The following EDDM13 variants were observed in gnomAD, a reference collection of about 807,000 sequenced individuals.
EDDM13 encodes the protein epididymal protein 13.
A neutral mutation model predicts 17.8 loss-of-function variants in EDDM13; 24 were observed. The ratio of observed to expected loss-of-function variants is 1.35; its 90% CI spans 0.98 to 1.90. The LOEUF (loss-of-function observed/expected upper bound fraction) is 1.90. EDDM13 is among the 40% of genes most tolerant of loss of function. The pLI, the probability that EDDM13 is intolerant of heterozygous loss-of-function variation, is 0.00. For missense variants in EDDM13, 97 were observed against 100.8 expected, an observed-to-expected ratio of 0.96 and a Z score of 0.16; for synonymous variants, 31 against 37.5, an observed-to-expected ratio of 0.83 and a Z score of 0.63.
intron 12 of EDDM13, 40 bp from the exon 13 acceptor site, chr19:56,301,928 G>C (rs1034715390): frequency 4.1e-6 from 5 of 1,231,858 alleles, no homozygotes; most frequent in Non-Finnish European, 5.1e-6. Context: ...GGCAGGAAGG[G>C]AAGGCCATCA....
chr19:56,277,007 T>C (rs1319222213), intron 2 of EDDM13, among the ~76,000 whole-genome samples: 2 of 152,148 alleles, frequency 1.3e-5, no homozygotes, highest in Non-Finnish European at 2.9e-5. Flanking sequence ...TCATTAGCCA[T>C]CAGAAAAATG....
chr19:56,293,642 T>C (rs985701467), intron 9 of EDDM13, among the ~76,000 whole-genome samples: 2 of 152,104 alleles, frequency 1.3e-5, no homozygotes, highest in African/African-American at 4.8e-5. Context: ...TCCAGCCTCA[T>C]ATGGTTGTGA....
At chr19:56,280,520 T>C (rs1174416418) in intron 2 of EDDM13, 1 of 152,176 alleles carries the variant, frequency 6.6e-6, no homozygotes. Flanking sequence ...TATATATAGA[T>C]ATATATTTCT....
intron 13 of EDDM13, among the ~76,000 whole-genome samples, chr19:56,303,339 A>G (rs750666188): frequency 2.0e-5 from 3 of 152,020 alleles, no homozygotes; most frequent in South Asian, 2.1e-4. Flanking sequence ...ATAGCCGGGC[A>G]TGGTGGCGCA....
intron 1 of EDDM13, among the ~76,000 whole-genome samples, 187 bp from the exon 2 acceptor site, chr19:56,275,905 A>G (rs1462459227): frequency 6.6e-6 from 1 of 152,180 alleles, no homozygotes; most frequent in Admixed American, 6.5e-5. Context: ...GGACTTATCG[A>G]TGGATGGATG....
At chr19:56,306,251 T>C (rs2040678794) in intron 14 of EDDM13, among the ~76,000 whole-genome samples, 1 of 152,170 alleles carries the variant, frequency 6.6e-6, no homozygotes, top group South Asian at 2.1e-4. Context: ...ATGGGAGGTT[T>C]CTCTTCCCTC....
At chr19:56,276,832 C>T (rs553744953) in intron 2 of EDDM13, among the ~76,000 whole-genome samples, 27 of 151,928 alleles carry the variant, frequency 1.8e-4, no homozygotes, top group East Asian at 3.9e-4. Flanking sequence ...CCACTGTGCC[C>T]GGCCAAAGGT....
intron 9 of EDDM13, among the ~76,000 whole-genome samples, chr19:56,292,345 G>A (rs1317348044): frequency 6.6e-6 from 1 of 152,110 alleles, no homozygotes; most frequent in Admixed American, 6.5e-5. Context: ...GCACAGTGGT[G>A]CAGACCTCCT....
intron 13 of EDDM13, among the ~76,000 whole-genome samples, chr19:56,302,615 CTTCCTCCCTCCCT>C (rs2040404826): frequency 1.6e-5 from 2 of 127,106 alleles, no homozygotes; most frequent in African/African-American, 3.1e-5. Flanking sequence ...TCCTCTCCCT[CTTCCTCCCTCCCT>C]CCTCCTCCCT....
chr19:56,308,623 C>A (rs1171381015), intron 14 of EDDM13, among the ~76,000 whole-genome samples: 2 of 151,738 alleles, frequency 1.3e-5, no homozygotes, highest in Admixed American at 6.6e-5. Flanking sequence ...CACGCCCCCC[C>A]ATATTAAATC....
intron 12 of EDDM13, among the ~76,000 whole-genome samples, chr19:56,300,959 CAT>C (rs1295159561): frequency 3.3e-5 from 5 of 152,214 alleles, no homozygotes; most frequent in South Asian, 2.1e-4. Context: ...TGCTGGCACT[CAT>C]GTGGGAGATG....
intron 5 of EDDM13, among the ~76,000 whole-genome samples, chr19:56,284,513 ATTT>A (rs11374260): frequency 3.4e-5 from 4 of 118,328 alleles, no homozygotes; most frequent in Non-Finnish European, 6.8e-5. Context: ...GCTTGCTGTA[ATTT>A]TTTTTTTTTT....
intron 2 of EDDM13, among the ~76,000 whole-genome samples, chr19:56,279,567 C>T (rs1321374584): frequency 1.3e-5 from 2 of 152,026 alleles, no homozygotes; most frequent in African/African-American, 4.8e-5. Flanking sequence ...CGTAAGTGTC[C>T]CATATGGGGT....
chr19:56,294,981 G>C (rs147399250), intron 9 of EDDM13: 2,323 of 152,352 alleles, frequency 0.015, 28 homozygotes, highest in Admixed American at 0.035. Context: ...CGGGAGAGGG[G>C]GGTGAGCCCA....
At chr19:56,294,715 T>C (rs2147189412) in intron 9 of EDDM13, among the ~76,000 whole-genome samples, 1 of 152,256 alleles carries the variant, frequency 6.6e-6, no homozygotes, top group East Asian at 1.9e-4. Flanking sequence ...TAAAACTTCA[T>C]CTACAAAAGC....
intron 1 of EDDM13, among the ~76,000 whole-genome samples, chr19:56,273,353 T>C (rs1029749567): frequency 6.6e-6 from 1 of 152,176 alleles, no homozygotes; most frequent in Admixed American, 6.5e-5. Flanking sequence ...AAAGAGTATA[T>C]TGGGAAGAGG....
At chr19:56,287,761 G>A (rs1048882896) in intron 6 of EDDM13, among the ~76,000 whole-genome samples, 2 of 152,190 alleles carry the variant, frequency 1.3e-5, no homozygotes, top group Admixed American at 1.3e-4. Context: ...GAAGGAGGCA[G>A]AGCATCAGAG....
intron 6 of EDDM13, among the ~76,000 whole-genome samples, chr19:56,286,115 G>A (rs531766703): frequency 7.2e-5 from 11 of 152,150 alleles, no homozygotes; most frequent in African/African-American, 2.2e-4. Flanking sequence ...TCCGCCTCCC[G>A]GGTTCAAGCG....
intron 3 of EDDM13, among the ~76,000 whole-genome samples, chr19:56,282,282 G>T (rs912660435): frequency 1.3e-4 from 20 of 152,070 alleles, no homozygotes; most frequent in African/African-American, 4.8e-4. Context: ...CTGACTTCAG[G>T]GTAAATGTGC....
Sources: gnomAD v4.1 joint callset for allele counts (sites outside exome capture counted in the v4.1 genomes callset) on GRCh38, gnomAD v4.1.1 for gene constraint, MANE v1.5 for transcripts, NCBI Gene and HGNC (gene_info 2026-07-23, HGNC 2026-07-21) for gene names.